Variants in LARP1B observed in about 807,000 individuals in gnomAD.
The protein encoded by LARP1B is la-related protein 1B.
LARP1B carries 76 observed loss-of-function variants against 114.2 expected under a neutral mutation model. That is an observed-to-expected ratio of 0.67 (90% CI 0.55 to 0.81). The LOEUF is 0.81. LARP1B is among the 30% of genes least tolerant of loss of function. The pLI is 0.00. For synonymous variants in LARP1B, 345 were observed against 348.0 expected, an observed-to-expected ratio of 0.99 and a Z score of 0.10; for missense variants, 1,014 against 1,075.8, an observed-to-expected ratio of 0.94 and a Z score of 0.80.
At chr4:128,190,307 A>G (rs1751810847) in intron 15 of LARP1B, among the ~76,000 whole-genome samples, 1 of 152,166 alleles carries the variant, frequency 6.6e-6, no homozygotes, top group South Asian at 2.1e-4. Flanking sequence ...TCTCTTGCCA[A>G]AAAAATCAGA....
chr4:128,184,289 A>G (rs1045740194), intron 15 of LARP1B, among the ~76,000 whole-genome samples: 1 of 152,218 alleles, frequency 6.6e-6, no homozygotes, highest in African/African-American at 2.4e-5. Context: ...AGAAATTGCC[A>G]CAGCCATTCC....
intron 4 of LARP1B, among the ~76,000 whole-genome samples, chr4:128,081,662 T>C (rs542261961): frequency 6.6e-6 from 1 of 152,314 alleles, no homozygotes; most frequent in African/African-American, 2.4e-5. Flanking sequence ...TTTTTCCTAG[T>C]GTCTAAAGAG....
chr4:128,161,762 G>T (rs914400101), intron 11 of LARP1B, among the ~76,000 whole-genome samples: 3 of 152,010 alleles, frequency 2.0e-5, no homozygotes, highest in African/African-American at 7.2e-5. Flanking sequence ...CCTGATGATC[G>T]TAATTCTTAC....
rs564825850 is a variant in LARP1B, at chr4:128,101,069, C to T, written c.813+2739C>T. ...TCTATCTCAGGTGATCCACCTGCCT[C>T]GGCCTCCCAAAGTGCTGGGATTACA... is the stretch of plus-strand genomic sequence containing the variant. On this transcript the variant is annotated intron_variant, in intron 8 of 19. Coordinates refer to ENST00000326639, the MANE Select transcript of LARP1B (RefSeq NM_018078.4). Among the ~76,000 whole-genome samples the T allele has an allele frequency of 4.0e-5, 6 of 151,562 alleles. No homozygotes were observed. In the East Asian group the frequency reaches 7.9e-4, roughly 20 times the overall value.
chr4:128,125,613 C>T (rs772229590), intron 11 of LARP1B, among the ~76,000 whole-genome samples: 13 of 152,238 alleles, frequency 8.5e-5, no homozygotes, highest in Non-Finnish European at 1.2e-4. Flanking sequence ...GACATGGTGG[C>T]GCGTGCCTGT....
intron 11 of LARP1B, among the ~76,000 whole-genome samples, chr4:128,136,756 TTTTA>T (rs1725496061): frequency 6.6e-6 from 1 of 152,186 alleles, no homozygotes; most frequent in African/African-American, 2.4e-5. Context: ...AAACTGGTGA[TTTTA>T]TTTGTTAATT....
intron 10 of LARP1B, among the ~76,000 whole-genome samples, chr4:128,121,221 T>C (rs994723533): frequency 1.3e-5 from 2 of 152,226 alleles, no homozygotes; most frequent in African/African-American, 4.8e-5. Flanking sequence ...AGAAACTATG[T>C]TATTATCATT....
intron 11 of LARP1B, among the ~76,000 whole-genome samples, chr4:128,140,233 A>G (rs907366555): frequency 6.6e-6 from 1 of 152,220 alleles, no homozygotes; most frequent in Non-Finnish European, 1.5e-5. Context: ...CAGGAGCAGT[A>G]TGTAATAATG....
intron 11 of LARP1B, among the ~76,000 whole-genome samples, chr4:128,137,584 A>G (rs1369622675): frequency 1.3e-5 from 2 of 151,826 alleles, no homozygotes; most frequent in Admixed American, 6.6e-5. Context: ...TTTTTTAGTG[A>G]TACATAATAA....
chr4:128,170,872 C>CTTTTTTTTTTTTTTTTTGTTTTTTTTT (rs1743319808), intron 12 of LARP1B, among the ~76,000 whole-genome samples: 1 of 95,016 alleles, frequency 1.1e-5, no homozygotes, highest in Non-Finnish European at 2.2e-5. Context: ...TTTTTCTTTT[C>CTTTTTTTTTTTTTTTTTGTTTTTTTTT]TTTTTTTTTT....
intron 5 of LARP1B, among the ~76,000 whole-genome samples, chr4:128,087,642 A>G (rs1774159872): frequency 6.6e-6 from 1 of 152,196 alleles, no homozygotes; most frequent in Non-Finnish European, 1.5e-5. Flanking sequence ...TAAGAAAATC[A>G]CACTAGTTTC....
chr4:128,101,746 C>G (rs1279303279), intron 8 of LARP1B, among the ~76,000 whole-genome samples: 6 of 152,048 alleles, frequency 3.9e-5, no homozygotes, highest in African/African-American at 1.2e-4. Flanking sequence ...TCCCAAAGTG[C>G]TGGGATTACA....
intron 11 of LARP1B, among the ~76,000 whole-genome samples, chr4:128,148,610 A>T (rs1435217577): frequency 9.2e-5 from 14 of 151,418 alleles, no homozygotes; most frequent in Admixed American, 7.9e-4. Context: ...TTTTTTTTTA[A>T]ATTTTATTAT....
intron 17 of LARP1B, among the ~76,000 whole-genome samples, chr4:128,204,321 G>A (rs903407825): frequency 4.6e-5 from 7 of 151,950 alleles, no homozygotes; most frequent in Non-Finnish European, 1.0e-4. Flanking sequence ...AGCATAATAG[G>A]GTGACTATAG....
intron 6 of LARP1B, among the ~76,000 whole-genome samples, chr4:128,219,064 T>C (rs1224548140): frequency 6.8e-6 from 1 of 146,734 alleles, no homozygotes; most frequent in African/African-American, 2.5e-5. Context: ...TCACTGGCCA[T>C]CAGAGAAATG....
chr4:128,213,237 C>CCATTTTAATCATTTTAAATGATTTAAT (rs557244125), downstream of LARP1B, among the ~76,000 whole-genome samples: 2 of 151,980 alleles, frequency 1.3e-5, no homozygotes, highest in Non-Finnish European at 2.9e-5. Context: ...ATTAATGTCA[C>CCATTTTAATCATTTTAAATGATTTAAT]CATTTTAATC....
At chr4:128,197,158 A>G (rs902178935) in intron 15 of LARP1B, among the ~76,000 whole-genome samples, 3 of 152,218 alleles carry the variant, frequency 2.0e-5, no homozygotes, top group African/African-American at 2.4e-5. Context: ...TTTAATGCCT[A>G]TTAATTATAC....
intron 5 of LARP1B, among the ~76,000 whole-genome samples, chr4:128,088,703 T>A (rs915091588): frequency 2.0e-5 from 3 of 152,108 alleles, no homozygotes; most frequent in Non-Finnish European, 2.9e-5. Flanking sequence ...AAACCTAGAG[T>A]GCTTCACATA....
At position 128,073,572 on chromosome 4, in the gene LARP1B, G is replaced by GTTTTTTTTTTTTTTTTTTTTT. The variant is rs568197117; in HGVS notation, c.-77-871_-77-851dup. Among the ~76,000 whole-genome samples the GTTTTTTTTTTTTTTTTTTTTT allele has an allele frequency of 7.5e-5, 3 of 39,996 alleles. 1 individual carries two copies. Among genetic ancestry groups the GTTTTTTTTTTTTTTTTTTTTT allele is most frequent in the Non-Finnish European group, 1.0e-4 (2 of 19,988 alleles). 26.2% of individuals were successfully genotyped at this position (39,996 alleles called of 152,430 possible). On this transcript the variant is annotated intron_variant, in intron 1 of 19. Coordinates refer to ENST00000326639, the MANE Select transcript of LARP1B (RefSeq NM_018078.4). ...AATTTTCTCCTGTTATATTGTTGTC[G>GTTTTTTTTTTTTTTTTTTTTT]TTTTTTTTTTTTTTTTTTTTTTTTT...
Sources: gnomAD v4.1 joint callset for allele counts (sites outside exome capture counted in the v4.1 genomes callset) on GRCh38, gnomAD v4.1.1 for gene constraint, MANE v1.5 for transcripts, NCBI Gene and HGNC (gene_info 2026-07-23, HGNC 2026-07-21) for gene names.